The following NRG3 variants were observed in gnomAD, a reference collection of about 807,000 sequenced individuals.
NRG3 encodes the protein neuregulin 3, also known as pro-neuregulin-3, membrane-bound isoform.
NRG3 carries 31 observed loss-of-function variants against 66.9 expected under a neutral mutation model. That is an observed-to-expected ratio of 0.46 (90% CI 0.35 to 0.63). The LOEUF (loss-of-function observed/expected upper bound fraction) is 0.63. Among genes scored for constraint, NRG3 ranks in the 20% least tolerant of loss-of-function variants. NRG3 has a pLI of 0.00. For synonymous variants in NRG3, 393 were observed against 359.4 expected (o/e 1.09, Z -1.06); for missense variants, 910 against 878.9 (o/e 1.04, Z -0.45).
rs373266890 is a variant in NRG3, at chr10:82,896,664, G to A, written c.1054+31227G>A. On this transcript the variant is annotated intron_variant, in intron 4 of 8. Coordinates refer to ENST00000372141, the MANE Select transcript of NRG3 (RefSeq NM_001010848.4). ...AATTAAAGTCAGTACCTCAAATGTG[G>A]CTTATAAGTCAGCAAAACAACCTGA... Among the ~76,000 whole-genome samples the A allele has an allele frequency of 3.2e-4, 49 of 152,188 alleles. 1 individual carries two copies. The East Asian group carries it at 3.9e-3, about 12-fold the overall frequency.
Position 82,754,958 on chromosome 10 carries a change from C to G in NRG3, c.1027+16308C>G, listed in dbSNP as rs1213730442. On this transcript the variant is annotated intron_variant, in intron 3 of 8. Coordinates refer to ENST00000372141, the MANE Select transcript of NRG3 (RefSeq NM_001010848.4). Reference sequence around the variant, plus strand: ...GTTTTGAGATTGAGTGTCTCAAGATCTAGATAAATCAGCAAGATGAAAGAT... The same window carrying G: ...GTTTTGAGATTGAGTGTCTCAAGATGTAGATAAATCAGCAAGATGAAAGAT... Among the ~76,000 whole-genome samples the G allele has an allele frequency of 5.9e-5, 9 of 152,178 alleles. No individual in the cohort carries two copies. The South Asian group carries it at 1.9e-3, about 32-fold the overall frequency.
intron 1 of NRG3, among the ~76,000 whole-genome samples, chr10:82,018,140 G>A (rs149486771): frequency 2.1e-3 from 321 of 152,234 alleles, no homozygotes; most frequent in African/African-American, 7.2e-3. Flanking sequence ...TCCAGTTTCC[G>A]CTTTCTACCT....
At chr10:82,909,910 A>G (rs1002412730) in intron 4 of NRG3, among the ~76,000 whole-genome samples, 13 of 152,242 alleles carry the variant, frequency 8.5e-5, no homozygotes, top group African/African-American at 3.1e-4. Flanking sequence ...TGGCTACCAT[A>G]TATGACTTGA....
chr10:82,325,799 C>A (rs2081842559), intron 1 of NRG3, among the ~76,000 whole-genome samples: 1 of 152,100 alleles, frequency 6.6e-6, no homozygotes, highest in Non-Finnish European at 1.5e-5. Context: ...CTTCACTTCT[C>A]TCTCCCCTCC....
intron 2 of NRG3, among the ~76,000 whole-genome samples, chr10:82,579,512 C>T (rs1344126193): frequency 6.6e-6 from 1 of 151,906 alleles, no homozygotes; most frequent in Admixed American, 6.6e-5. Context: ...CAATTCCATT[C>T]GTATGTCTAT....
chr10:82,382,880 G>A (rs1276445173), intron 2 of NRG3, among the ~76,000 whole-genome samples: 1 of 151,888 alleles, frequency 6.6e-6, no homozygotes, highest in Non-Finnish European at 1.5e-5. Flanking sequence ...TGCCTGTATA[G>A]AAATATTCTT....
At chr10:82,984,658 G>C in intron 8 of NRG3, 1 of 938,024 alleles carries the variant, frequency 1.1e-6, no homozygotes, top group Non-Finnish European at 1.6e-6. Flanking sequence ...AAGTCTACTG[G>C]ACTAACCCAG....
At chr10:82,565,751 A>G (rs1354652634) in intron 2 of NRG3, among the ~76,000 whole-genome samples, 2 of 151,978 alleles carry the variant, frequency 1.3e-5, no homozygotes, top group Non-Finnish European at 2.9e-5. Flanking sequence ...TTAAATTTTG[A>G]CTATTTCACC....
intron 1 of NRG3, among the ~76,000 whole-genome samples, chr10:82,044,187 G>A (rs1389046393): frequency 6.6e-6 from 1 of 151,966 alleles, no homozygotes; most frequent in African/African-American, 2.4e-5. Flanking sequence ...GCATGTGTAT[G>A]ATTATCATAT....
At chr10:81,926,336 G>A (rs1376004227) in intron 1 of NRG3, among the ~76,000 whole-genome samples, 1 of 151,848 alleles carries the variant, frequency 6.6e-6, no homozygotes, top group Non-Finnish European at 1.5e-5. Context: ...GGTCAGATTG[G>A]TCTTGAACTC....
At chr10:82,668,040 G>A (rs548286181) in intron 2 of NRG3, among the ~76,000 whole-genome samples, 2 of 152,286 alleles carry the variant, frequency 1.3e-5, no homozygotes, top group East Asian at 3.9e-4. Context: ...TCAAGGAAGT[G>A]AAAAATTAAA....
At chr10:82,881,194 A>G (rs953673581) in intron 4 of NRG3, among the ~76,000 whole-genome samples, 3 of 152,252 alleles carry the variant, frequency 2.0e-5, no homozygotes, top group African/African-American at 7.2e-5. Context: ...TCCTGCTGTC[A>G]GAGCAACTGA....
In NRG3 at chr10:82,565,883, C is replaced by T. The variant is rs377128607; in HGVS notation, c.954-172694C>T. ...AACACAGAAAAATGAAAACAAAACACGCAGGCTTCTAATGAGAAGTCGCAT... is the reference window on the plus strand; with the variant it reads ...AACACAGAAAAATGAAAACAAAACATGCAGGCTTCTAATGAGAAGTCGCAT... On this transcript the variant is annotated intron_variant, in intron 2 of 8. Transcript: ENST00000372141. Among the ~76,000 whole-genome samples, 9 of 152,006 alleles carry T rather than the reference C, an allele frequency of 5.9e-5. No individual in the cohort carries two copies. The South Asian group carries it at 6.2e-4, about 10-fold the overall frequency.
chr10:82,622,673 A>G lies in NRG3; in HGVS notation c.954-115904A>G, dbSNP rs1036930452. ...TGATGCTGGCCTGAAGCAGTGAGCCACAGCTCCCAGCCAGCCAGGCAATCT... is the reference window on the plus strand; with the variant it reads ...TGATGCTGGCCTGAAGCAGTGAGCCGCAGCTCCCAGCCAGCCAGGCAATCT... On this transcript the variant is annotated intron_variant, in intron 2 of 8. Coordinates refer to ENST00000372141, the MANE Select transcript of NRG3 (RefSeq NM_001010848.4). Among the ~76,000 whole-genome samples the G allele has an allele frequency of 2.0e-5, 3 of 152,314 alleles. No homozygotes were observed. The South Asian group carries it at 6.2e-4, about 32-fold the overall frequency.
chr10:82,883,361 G>C lies in NRG3; in HGVS notation c.1054+17924G>C, dbSNP rs143364354. Among the ~76,000 whole-genome samples the C allele has an allele frequency of 3.9e-3, 597 of 152,214 alleles. 2 individuals are homozygous for C. Among genetic ancestry groups the C allele is most frequent in the Non-Finnish European group, 7.3e-3 (498 of 67,998 alleles). On this transcript the variant is annotated intron_variant, in intron 4 of 8. Transcript: ENST00000372141. Reference sequence around the variant, plus strand: ...CAAGTTGAACCTGTCCCTTTTAGCTGATCAGTCTGTATATAGAGTTGAAAT... The same window carrying C: ...CAAGTTGAACCTGTCCCTTTTAGCTCATCAGTCTGTATATAGAGTTGAAAT...
chr10:82,693,945 G>A (rs919796087), intron 2 of NRG3, among the ~76,000 whole-genome samples: 3 of 152,188 alleles, frequency 2.0e-5, no homozygotes, highest in South Asian at 2.1e-4. Context: ...ATTTGGCCCC[G>A]CCCATGTCCT....
At chr10:82,450,715 G>C (rs911528869) in intron 2 of NRG3, among the ~76,000 whole-genome samples, 1 of 152,122 alleles carries the variant, frequency 6.6e-6, no homozygotes, top group Non-Finnish European at 1.5e-5. Context: ...CATAATTAGT[G>C]TGGATTTAAC....
chr10:82,952,088 A>G (rs1179264182), intron 5 of NRG3, among the ~76,000 whole-genome samples: 7 of 152,208 alleles, frequency 4.6e-5, no homozygotes, highest in Non-Finnish European at 1.0e-4. Context: ...CCCTAAAGTT[A>G]CCTTGCTGAG....
intron 1 of NRG3, among the ~76,000 whole-genome samples, chr10:81,948,849 A>G (rs1388196171): frequency 6.6e-6 from 1 of 152,164 alleles, no homozygotes; most frequent in Admixed American, 6.6e-5. Flanking sequence ...ACTAGGAAGA[A>G]CTCATAGAAT....
Sources: gnomAD v4.1 joint callset for allele counts (sites outside exome capture counted in the v4.1 genomes callset) on GRCh38, gnomAD v4.1.1 for gene constraint, MANE v1.5 for transcripts, NCBI Gene and HGNC (gene_info 2026-07-23, HGNC 2026-07-21) for gene names.